Variants in CALCR observed in about 807,000 individuals in gnomAD.
The protein encoded by CALCR is calcitonin receptor.
Under a neutral mutation model 59.5 loss-of-function variants are expected in CALCR, and 47 were observed. That is an observed-to-expected ratio of 0.79 (90% CI 0.63 to 1.01). CALCR has a LOEUF of 1.01. Among genes scored for constraint, CALCR ranks in the 50% least tolerant of loss-of-function variants. The pLI is 0.00. For missense variants in CALCR, 566 were observed against 597.1 expected, an observed-to-expected ratio of 0.95 and a Z score of 0.54; for synonymous variants, 213 against 211.3, an observed-to-expected ratio of 1.01 and a Z score of -0.07.
chr7:93,562,372 A>G (rs1190200164), intron 2 of CALCR, among the ~76,000 whole-genome samples: 1 of 152,118 alleles, frequency 6.6e-6, no homozygotes, highest in Non-Finnish European at 1.5e-5. Flanking sequence ...ACTGAGCAAT[A>G]TCTATTCAGG....
chr7:93,460,949 T>C lies in CALCR; in HGVS notation c.522-2A>G. On this transcript the variant is annotated splice_acceptor_variant, in intron 7 of 13. Coordinates refer to ENST00000426151, the MANE Select transcript of CALCR (RefSeq NM_001742.4). LOFTEE classifies it high-confidence loss of function. ...GTTACCCTTTGGCAGCCAAGGCTCC[T>C]GGAAGAAAAAGTAACATAAAGCATT... 4 of 1,606,908 alleles carry C rather than the reference T, an allele frequency of 2.5e-6. No individual in the cohort carries two copies. The highest frequency in any genetic ancestry group is 1.3e-5 in the African/African-American group (1 of 74,430).
intron 8 of CALCR, among the ~76,000 whole-genome samples, chr7:93,454,920 G>C (rs967676242): frequency 1.9e-5 from 1 of 53,870 alleles, no homozygotes; most frequent in African/African-American, 4.4e-5. Context: ...GGCATTTTGT[G>C]TGTGTGTGTG....
At chr7:93,464,899 G>A (rs1800409311) in intron 7 of CALCR, among the ~76,000 whole-genome samples, 1 of 151,936 alleles carries the variant, frequency 6.6e-6, no homozygotes, top group South Asian at 2.1e-4. Context: ...GTAGAACAAA[G>A]AGAATAGTAA....
At chr7:93,487,066 G>T in intron 2 of CALCR, 59 bp from the exon 3 acceptor site, 3 of 870,396 alleles carry the variant, frequency 3.4e-6, no homozygotes, top group African/African-American at 2.1e-5. Context: ...ATTGGCTATG[G>T]CATTTCATTT....
At chr7:93,542,856 C>T (rs748613327) in intron 2 of CALCR, among the ~76,000 whole-genome samples, 1 of 152,020 alleles carries the variant, frequency 6.6e-6, no homozygotes, top group Non-Finnish European at 1.5e-5. Context: ...ACTGGAAAGT[C>T]GTCAGGGGCA....
intron 2 of CALCR, among the ~76,000 whole-genome samples, chr7:93,512,251 A>G (rs1801561871): frequency 6.6e-6 from 1 of 152,130 alleles, no homozygotes; most frequent in Admixed American, 6.6e-5. Context: ...GCATCATGCT[A>G]TTTACTTTAC....
intron 2 of CALCR, among the ~76,000 whole-genome samples, chr7:93,545,607 C>G (rs995675631): frequency 1.3e-5 from 2 of 152,040 alleles, no homozygotes; most frequent in African/African-American, 2.4e-5. Flanking sequence ...TTAAAAAGAC[C>G]CTATGCTGGC....
At chr7:93,524,391 T>A (rs561040123) in intron 2 of CALCR, among the ~76,000 whole-genome samples, 1 of 151,908 alleles carries the variant, frequency 6.6e-6, no homozygotes, top group Non-Finnish European at 1.5e-5. Context: ...AGGATGGTCT[T>A]GATCTCCTGA....
chr7:93,521,328 A>T (rs371726814), intron 2 of CALCR, among the ~76,000 whole-genome samples: 1 of 152,158 alleles, frequency 6.6e-6, no homozygotes, highest in Non-Finnish European at 1.5e-5. Context: ...GTATAGCAGC[A>T]GTTGGCCACC....
At chr7:93,478,453 G>A (rs528696182) in intron 4 of CALCR, among the ~76,000 whole-genome samples, 1 of 151,574 alleles carries the variant, frequency 6.6e-6, no homozygotes, top group South Asian at 2.1e-4. Flanking sequence ...TGTAATCCTA[G>A]CACTTTGGGA....
chr7:93,530,259 T>G (rs2116129315), intron 2 of CALCR, among the ~76,000 whole-genome samples: 1 of 152,268 alleles, frequency 6.6e-6, no homozygotes, highest in South Asian at 2.1e-4. Flanking sequence ...AAATCACAAT[T>G]TATTTGATTT....
chr7:93,567,681 C>T (rs1789896978), intron 2 of CALCR, among the ~76,000 whole-genome samples: 1 of 151,998 alleles, frequency 6.6e-6, no homozygotes, highest in Admixed American at 6.6e-5. Context: ...GGTATTTCTT[C>T]TGATGCTATC....
intron 2 of CALCR, 129 bp from the exon 3 acceptor site, chr7:93,487,136 G>A (rs1211928981): frequency 8.7e-6 from 5 of 571,510 alleles, no homozygotes; most frequent in South Asian, 7.0e-5. Context: ...AAAAACACAC[G>A]TAAGAAAAAA....
intron 8 of CALCR, among the ~76,000 whole-genome samples, chr7:93,453,791 C>T (rs1474955974): frequency 6.6e-6 from 1 of 151,830 alleles, no homozygotes; most frequent in Non-Finnish European, 1.5e-5. Flanking sequence ...AGAGATTCTC[C>T]TTCAAATCCG....
chr7:93,568,239 G>A (rs961917978), intron 2 of CALCR, among the ~76,000 whole-genome samples: 3 of 152,060 alleles, frequency 2.0e-5, no homozygotes, highest in African/African-American at 4.8e-5. Flanking sequence ...AAAGAAGGAA[G>A]CAGCATGTAA....
intron 2 of CALCR, among the ~76,000 whole-genome samples, chr7:93,510,768 G>A (rs951833293): frequency 6.6e-6 from 1 of 152,000 alleles, no homozygotes; most frequent in Non-Finnish European, 1.5e-5. Context: ...AGGCCAAGGC[G>A]GGAGGATTGC....
intron 2 of CALCR, among the ~76,000 whole-genome samples, chr7:93,540,313 C>G (rs1172066437): frequency 6.6e-6 from 1 of 151,972 alleles, no homozygotes; most frequent in Non-Finnish European, 1.5e-5. Context: ...ATACATTGGC[C>G]CATTTGAATA....
chr7:93,448,373 G>A (rs952461630), intron 8 of CALCR, among the ~76,000 whole-genome samples: 2 of 151,930 alleles, frequency 1.3e-5, no homozygotes, highest in Non-Finnish European at 2.9e-5. Context: ...AAAAATAACA[G>A]CCATATGTTT....
chr7:93,460,595 A>ATATATATATATATATATATATATATATG lies in CALCR; in HGVS notation c.648+225_648+226insCATATATATATATATATATATATATATA, dbSNP rs1800310231. On this transcript the variant is annotated intron_variant, in intron 8 of 13. Transcript: ENST00000426151. Reference sequence around the variant, plus strand: ...AAAATATATATATATATATATATGTATATATATATATATATATGGTTTGTT... The same window carrying ATATATATATATATATATATATATATATG: ...AAAATATATATATATATATATATGTATATATATATATATATATATATATATATGTATATATATATATATATGGTTTGTT... 1.3e-4 allele frequency among the ~76,000 whole-genome samples: 10 copies of ATATATATATATATATATATATATATATG among 77,814 alleles called. No individual in the cohort carries two copies. The East Asian group carries it at 1.3e-3, about 10-fold the overall frequency. The allele number at this position is 77,814 out of a possible 152,430, so 51.0% of individuals were successfully genotyped here. A position where few individuals can be genotyped will look rare whatever the true frequency, so the allele number is the denominator to read the frequency against.
Sources: gnomAD v4.1 joint callset for allele counts (sites outside exome capture counted in the v4.1 genomes callset) on GRCh38, gnomAD v4.1.1 for gene constraint, MANE v1.5 for transcripts, NCBI Gene and HGNC (gene_info 2026-07-23, HGNC 2026-07-21) for gene names.